ANKRD44: variants seen among roughly 807,000 people sequenced by gnomAD.
The protein encoded by ANKRD44 is ankyrin repeat domain 44.
In ANKRD44, 35 loss-of-function variants were observed where a neutral mutation model predicts 116.0. The observed-to-expected ratio is 0.30, with a 90% CI of 0.23 to 0.40. ANKRD44 has a LOEUF of 0.40. Ranked by LOEUF, ANKRD44 falls within the 10% of genes least tolerant of loss-of-function variation. The pLI is 1.00. For missense variants in ANKRD44, 1,014 were observed against 1,242.6 expected (o/e 0.82, Z 2.77); for synonymous variants, 435 against 461.8 (o/e 0.94, Z 0.74).
At chr2:197,054,100 C>T (rs2077161428) in intron 16 of ANKRD44, among the ~76,000 whole-genome samples, 1 of 152,188 alleles carries the variant, frequency 6.6e-6, no homozygotes, top group Admixed American at 6.5e-5. Context: ...AGATACAAGG[C>T]TCAAACCTTG....
intron 18 of ANKRD44, among the ~76,000 whole-genome samples, chr2:197,012,043 T>C (rs190977492): frequency 1.3e-5 from 2 of 152,338 alleles, no homozygotes; most frequent in Admixed American, 1.3e-4. Context: ...TTGCTCCTCA[T>C]AGTGCTCTGA....
intron 2 of ANKRD44, among the ~76,000 whole-genome samples, chr2:197,161,802 G>A (rs1328473056): frequency 6.6e-6 from 1 of 152,096 alleles, no homozygotes; most frequent in African/African-American, 2.4e-5. Flanking sequence ...ATGACTAGAG[G>A]ACACGGGGTT....
chr2:197,008,094 T>C (rs1224546982), intron 19 of ANKRD44, among the ~76,000 whole-genome samples, 171 bp from the exon 20 acceptor site: 1 of 152,222 alleles, frequency 6.6e-6, no homozygotes, highest in Admixed American at 6.5e-5. Flanking sequence ...ACAAGCTATC[T>C]GCCTCTGCTC....
At chr2:197,200,184 CCTT>C (rs2081061387) in intron 1 of ANKRD44, among the ~76,000 whole-genome samples, 1 of 152,144 alleles carries the variant, frequency 6.6e-6, no homozygotes, top group Non-Finnish European at 1.5e-5. Flanking sequence ...GCCAAGTTGT[CCTT>C]CTGCACAATG....
intron 2 of ANKRD44, among the ~76,000 whole-genome samples, chr2:197,166,497 T>A (rs1224289773): frequency 6.6e-6 from 1 of 152,214 alleles, no homozygotes; most frequent in Non-Finnish European, 1.5e-5. Context: ...GAAAAGAGGA[T>A]GTTATGTGAT....
At chr2:197,248,591 TAAAGAGAGAG>T (rs2082247800) in intron 1 of ANKRD44, among the ~76,000 whole-genome samples, 1 of 149,482 alleles carries the variant, frequency 6.7e-6, no homozygotes, top group African/African-American at 2.5e-5. Context: ...TATATATATA[TAAAGAGAGAG>T]ATTGAGAGAG....
At chr2:197,063,970 G>A (rs1014439518) in intron 16 of ANKRD44, among the ~76,000 whole-genome samples, 6 of 152,034 alleles carry the variant, frequency 3.9e-5, no homozygotes, top group Admixed American at 1.3e-4. Context: ...GATACTCCTC[G>A]AGAAGAGCAA....
chr2:197,148,089 A>G (rs1172817332), intron 2 of ANKRD44, among the ~76,000 whole-genome samples: 1 of 152,202 alleles, frequency 6.6e-6, no homozygotes, highest in East Asian at 1.9e-4. Flanking sequence ...AATTGGCGAT[A>G]ATAAAATCTA....
intron 1 of ANKRD44, among the ~76,000 whole-genome samples, chr2:197,243,952 G>A (rs1304507316): frequency 6.6e-6 from 1 of 152,208 alleles, no homozygotes; most frequent in Non-Finnish European, 1.5e-5. Context: ...CCAATCAGGG[G>A]AGTTAAGAAA....
intron 1 of ANKRD44, among the ~76,000 whole-genome samples, chr2:197,213,060 C>T (rs1574285655): frequency 6.6e-6 from 1 of 152,306 alleles, no homozygotes; most frequent in Non-Finnish European, 1.5e-5. Context: ...CTGTGTTGGC[C>T]TCCACAAGGG....
chr2:197,126,129 G>C, intron 4 of ANKRD44, 92 bp from the exon 5 acceptor site: 1 of 1,340,184 alleles, frequency 7.5e-7, no homozygotes, highest in Non-Finnish European at 1.0e-6. Context: ...TGGAACTATG[G>C]AGAGAAAGGC....
At chr2:197,237,791 T>C (rs1194854251) in intron 1 of ANKRD44, among the ~76,000 whole-genome samples, 1 of 152,260 alleles carries the variant, frequency 6.6e-6, no homozygotes, top group African/African-American at 2.4e-5. Flanking sequence ...TGAAAGGGAA[T>C]GTTTAACGCC....
At chr2:197,209,193 T>C (rs1469810740) in intron 1 of ANKRD44, among the ~76,000 whole-genome samples, 1 of 152,224 alleles carries the variant, frequency 6.6e-6, no homozygotes, top group South Asian at 2.1e-4. Context: ...TTTATGAGCC[T>C]TGAGATAAAA....
At chr2:197,295,247 T>G (rs2083683426) in intron 1 of ANKRD44, among the ~76,000 whole-genome samples, 1 of 152,186 alleles carries the variant, frequency 6.6e-6, no homozygotes, top group Admixed American at 6.5e-5. Flanking sequence ...CTGAAGAGGA[T>G]GGCCCCAAGT....
intron 16 of ANKRD44, among the ~76,000 whole-genome samples, chr2:197,048,982 T>C (rs1226743065): frequency 6.6e-6 from 1 of 152,236 alleles, no homozygotes; most frequent in Non-Finnish European, 1.5e-5. Flanking sequence ...ATAAATGTCT[T>C]CTTTGGAGAA....
At position 197,145,292 on chromosome 2, in the gene ANKRD44, AAAATAAAT is replaced by A. The variant is rs56075904; in HGVS notation, c.190+1727_190+1734del. 5.8e-3 allele frequency among the ~76,000 whole-genome samples: 864 copies of A among 149,038 alleles called. 10 individuals carry two copies. Among genetic ancestry groups the A allele is most frequent in the African/African-American group, 0.02 (824 of 40,426 alleles). ...GGCTACAGAGCAAGACTCCGTCTCA[AAAATAAAT>A]AAATAAATAAATAAAATAAAATACA... On this transcript the variant is annotated intron_variant, in intron 3 of 27. Transcript: ENST00000282272.
chr2:197,186,612 C>CTTTTTTT lies in ANKRD44; in HGVS notation c.111+404_111+410dup, dbSNP rs149107038. The stretch of plus-strand genomic sequence containing the variant: ...CCATCACTATGCCCGGCTAATTTTT[C>CTTTTTTT]TTTTTTTTTTTTTTTTTTTTTTTTT... On this transcript the variant is annotated intron_variant, in intron 2 of 27. Transcript: ENST00000282272. Among the ~76,000 whole-genome samples, 84 of 50,800 alleles carry CTTTTTTT rather than the reference C, an allele frequency of 1.7e-3. 16 individuals are homozygous for CTTTTTTT. The highest frequency in any genetic ancestry group is 2.7e-3 in the Non-Finnish European group (62 of 22,760). 33.3% of individuals were successfully genotyped at this position (50,800 alleles called of 152,430 possible). A position where few individuals can be genotyped will look rare whatever the true frequency, so the allele number is the denominator to read the frequency against.
At chr2:196,977,948 A>C (rs1185777788) in intron 21 of ANKRD44, among the ~76,000 whole-genome samples, 1 of 152,240 alleles carries the variant, frequency 6.6e-6, no homozygotes, top group Non-Finnish European at 1.5e-5. Context: ...GTAAAAAAAC[A>C]AAAACAAAAC....
At chr2:197,052,528 AATTAG>A (rs1310816736) in intron 16 of ANKRD44, among the ~76,000 whole-genome samples, 1 of 152,108 alleles carries the variant, frequency 6.6e-6, no homozygotes, top group Non-Finnish European at 1.5e-5. Context: ...CCTTAGAGAA[AATTAG>A]GCAATGTTCC....
Sources: gnomAD v4.1 joint callset for allele counts (sites outside exome capture counted in the v4.1 genomes callset) on GRCh38, gnomAD v4.1.1 for gene constraint, MANE v1.5 for transcripts, NCBI Gene and HGNC (gene_info 2026-07-23, HGNC 2026-07-21) for gene names.